WT1: variants seen among roughly 807,000 people sequenced by gnomAD.
WT1 encodes Wilms tumor protein.
WT1 carries 8 observed loss-of-function variants against 60.8 expected under a neutral mutation model. That is an observed-to-expected ratio of 0.13 (90% CI 0.08 to 0.24). WT1 has a LOEUF of 0.24. Among genes scored for constraint, WT1 ranks in the 10% least tolerant of loss-of-function variants. The probability of loss-of-function intolerance (pLI) is 1.00; values close to 1 mark genes in which losing one functional copy is unlikely to be tolerated. For synonymous variants in WT1, 312 were observed against 297.1 expected (o/e 1.05, Z -0.52); for missense variants, 568 against 711.8 (o/e 0.80, Z 2.30).
chr11:32,429,286 G>A (rs1326864200), intron 1 of WT1, among the ~76,000 whole-genome samples: 1 of 152,072 alleles, frequency 6.6e-6, no homozygotes, highest in Non-Finnish European at 1.5e-5. Flanking sequence ...CCCCCTATGG[G>A]ACCCACCTTG....
intron 5 of WT1, 135 bp downstream of exon 5, chr11:32,416,355 C>T (rs1045624522): frequency 5.7e-6 from 6 of 1,057,214 alleles, no homozygotes; most frequent in East Asian, 2.4e-5. Context: ...GAGGTGGGGG[C>T]GGGGGAGAGA....
intron 5 of WT1, among the ~76,000 whole-genome samples, chr11:32,404,247 C>T (rs559304803): frequency 6.2e-5 from 8 of 128,138 alleles, no homozygotes; most frequent in African/African-American, 1.2e-4. Context: ...CCAGCCTGGG[C>T]GACAGAGCAA....
chr11:32,429,279 C>G lies in WT1; in HGVS notation c.662-660G>C, dbSNP rs5030157. ...ACCCTGCGCTCTCCTCCTCCTCCCCCCTATGGGACCCACCTTGCGCCCAGG... is the reference window on the plus strand; with the variant it reads ...ACCCTGCGCTCTCCTCCTCCTCCCCGCTATGGGACCCACCTTGCGCCCAGG... On this transcript the variant is annotated intron_variant, in intron 1 of 9. Transcript: ENST00000452863. Among the ~76,000 whole-genome samples, 23 of 152,148 alleles carry G rather than the reference C, an allele frequency of 1.5e-4. 1 individual carries two copies. The highest frequency in any genetic ancestry group is 7.8e-4 in the East Asian group (4 of 5,154).
chr11:32,428,032 G>A lies in WT1; in HGVS notation c.811C>T (p.Pro271Ser), dbSNP rs752801263. ...GTGGGGGTGTGGCAGCCATAGACCG[G>A]GGGCGGCACCGAGTACTGCTGCTCA... The change falls in exon 3 of 10, where the codon CCG (proline) becomes TCG (serine). Residue 271 changes from proline to serine, a missense_variant. Around this residue, in one of 3 missense-constraint regions of WT1, gnomAD observed 523 missense variants for 565.1 expected, o/e 0.93. Coordinates refer to ENST00000452863, the MANE Select transcript of WT1 (RefSeq NM_024426.6). The A allele has an allele frequency of 1.9e-6, 3 of 1,609,434 alleles. No homozygotes were observed. The African/African-American group carries it at 4.0e-5, about 21-fold the overall frequency.
chr11:32,428,358 GT>G, intron 2 of WT1, 138 bp downstream of exon 2: 1 of 1,433,726 alleles, frequency 7.0e-7, no homozygotes, highest in South Asian at 1.2e-5. Flanking sequence ...TTTAAATACA[GT>G]GCCATTGGGG....
chr11:32,423,189 T>G (rs1331480467), intron 3 of WT1, among the ~76,000 whole-genome samples: 1 of 152,254 alleles, frequency 6.6e-6, no homozygotes, highest in African/African-American at 2.4e-5. Context: ...TTTTCCCTGG[T>G]ACCTTCCCTC....
At chr11:32,406,277 G>A (rs3932463) in intron 5 of WT1, among the ~76,000 whole-genome samples, 51,441 of 151,870 alleles carry the variant, frequency 0.34, 9,252 homozygotes, top group East Asian at 0.68. Flanking sequence ...ACCTCAGATC[G>A]TCAGGCATTA....
rs956560776 is a variant in WT1 at position 32,399,309 on chromosome 11, T to C, written c.1113+639A>G. Among the ~76,000 whole-genome samples the C allele has an allele frequency of 2.0e-5, 3 of 152,236 alleles. No homozygotes were observed. The South Asian group carries it at 6.2e-4, about 32-fold the overall frequency. ...ATAATAGGTACATGGCATTATGCATTTTTCAAAACCCATAGAACTGTACAA... is the reference window on the plus strand; with the variant it reads ...ATAATAGGTACATGGCATTATGCATCTTTCAAAACCCATAGAACTGTACAA... On this transcript the variant is annotated intron_variant, in intron 6 of 9. Coordinates refer to ENST00000452863, the MANE Select transcript of WT1 (RefSeq NM_024426.6).
At chr11:32,403,363 G>A (rs1433587119) in intron 5 of WT1, among the ~76,000 whole-genome samples, 1 of 152,084 alleles carries the variant, frequency 6.6e-6, no homozygotes, top group Admixed American at 6.5e-5. Flanking sequence ...GGGAACCATA[G>A]ACTAATAGAG....
At chr11:32,416,675 A>T (rs1852683696) in intron 4 of WT1, 135 bp from the exon 5 acceptor site, 2 of 1,101,958 alleles carry the variant, frequency 1.8e-6, no homozygotes, top group South Asian at 2.5e-5. Flanking sequence ...TGCTGAACTA[A>T]GTCCCCAGTC....
intron 3 of WT1, 89 bp downstream of exon 3, chr11:32,427,867 T>A: frequency 7.6e-7 from 1 of 1,311,292 alleles, no homozygotes; most frequent in South Asian, 1.4e-5. Context: ...CAGTCAGGGC[T>A]GCCCGGCTGG....
intron 1 of WT1, chr11:32,430,692 A>T (rs1461266362): frequency 7.0e-7 from 1 of 1,422,314 alleles, no homozygotes; most frequent in Non-Finnish European, 9.2e-7. Flanking sequence ...GGGCCCAAGG[A>T]TGCCCGTGGC....
chr11:32,428,865 AATTT>A (rs1853164982), intron 1 of WT1: 1 of 591,076 alleles, frequency 1.7e-6, no homozygotes, highest in Admixed American at 2.8e-5. Flanking sequence ...GCTTTTTCCC[AATTT>A]ATTTATGCCG....
intron 1 of WT1, chr11:32,430,850 G>A: frequency 8.0e-7 from 1 of 1,249,488 alleles, no homozygotes; most frequent in Non-Finnish European, 1.0e-6. Flanking sequence ...TTAATTAGAA[G>A]CTTATCGGAC....
rs5030322 is a variant in WT1 at position 32,388,223 on chromosome 11, T to C, written c.*835A>G. 5,485 of 233,784 alleles carry C rather than the reference T, an allele frequency of 0.023. 91 individuals are homozygous for C. The highest frequency in any genetic ancestry group is 0.034 in the Non-Finnish European group (4,072 of 118,100). 14.5% of individuals were successfully genotyped at this position (233,784 alleles called of 1,614,324 possible). A position where few individuals can be genotyped will look rare whatever the true frequency, so the allele number is the denominator to read the frequency against. ...TGAAGCCATATACCAGCATGGTTTT[T>C]ATACACTAAGGACACTCCCAGTGAT... is the stretch of plus-strand genomic sequence containing the variant. On this transcript the variant is annotated 3_prime_UTR_variant, in exon 10 of 10. Transcript: ENST00000452863.
intron 7 of WT1, among the ~76,000 whole-genome samples, chr11:32,393,152 G>T (rs1851867095): frequency 6.6e-6 from 1 of 152,240 alleles, no homozygotes; most frequent in Non-Finnish European, 1.5e-5. Flanking sequence ...CTCCCAGGCA[G>T]AATCTGAGGC....
Position 32,427,952 on chromosome 11 carries a change from C to T in WT1, c.887+4G>A, listed in dbSNP as rs778673400. On this transcript the variant is annotated splice_donor_region_variant and intron_variant, in intron 3 of 9. Coordinates refer to ENST00000452863, the MANE Select transcript of WT1 (RefSeq NM_024426.6). ...CCCAGACGCAGAGCCCAGCGCCTTCCTACCTGCTGTAGGGCGTCCTCAGCA... is the reference window on the plus strand; with the variant it reads ...CCCAGACGCAGAGCCCAGCGCCTTCTTACCTGCTGTAGGGCGTCCTCAGCA... 65 of 1,607,976 alleles carry T rather than the reference C, an allele frequency of 4.0e-5. No individual in the cohort carries two copies. Among genetic ancestry groups the T allele is most frequent in the South Asian group, 1.1e-4 (10 of 90,240 alleles).
intron 9 of WT1, among the ~76,000 whole-genome samples, chr11:32,390,897 A>G (rs1851795381): frequency 6.6e-6 from 1 of 152,220 alleles, no homozygotes; most frequent in South Asian, 2.1e-4. Flanking sequence ...GACTTTAGAT[A>G]AGCCATTGAA....
rs149158270 is a variant in WT1 at position 32,420,641 on chromosome 11, A to G, written c.888-2987T>C. On this transcript the variant is annotated intron_variant, in intron 3 of 9. Transcript: ENST00000452863. ...CCCACCCTCACTCTGCCCTGCCCCTATGAAGGCATCCTGAGCCTCATCCTC... is the reference window on the plus strand; with the variant it reads ...CCCACCCTCACTCTGCCCTGCCCCTGTGAAGGCATCCTGAGCCTCATCCTC... Among the ~76,000 whole-genome samples the G allele has an allele frequency of 5.3e-5, 8 of 152,194 alleles. No homozygotes were observed. In the East Asian group the frequency reaches 1.2e-3, roughly 22 times the overall value.
Sources: allele counts gnomAD v4.1 joint callset (sites outside exome capture counted in the v4.1 genomes callset), GRCh38; gene constraint gnomAD v4.1.1; regional missense constraint gnomAD v4.1.1; transcripts MANE v1.5; gene names NCBI Gene and HGNC (gene_info 2026-07-23, HGNC 2026-07-21).